The following UHRF2 variants were observed in gnomAD, a reference collection of about 807,000 sequenced individuals.
UHRF2 encodes the protein E3 ubiquitin-protein ligase UHRF2.
UHRF2 carries 23 observed loss-of-function variants against 96.8 expected under a neutral mutation model. The observed-to-expected ratio is 0.24, with a 90% confidence interval of 0.17 to 0.34. UHRF2 has a LOEUF of 0.34. Among genes scored for constraint, UHRF2 ranks in the 10% least tolerant of loss-of-function variants. UHRF2 has a pLI of 1.00. For synonymous variants in UHRF2, 385 were observed against 332.6 expected, an observed-to-expected ratio of 1.16 and a Z score of -1.72; for missense variants, 685 against 981.5, an observed-to-expected ratio of 0.70 and a Z score of 4.04.
chr9:6,483,495 C>G (rs940958792), intron 8 of UHRF2, among the ~76,000 whole-genome samples: 1 of 151,988 alleles, frequency 6.6e-6, no homozygotes, highest in Non-Finnish European at 1.5e-5. Context: ...AGAATCATGA[C>G]AAGAAAAAGT....
At chr9:6,441,652 T>G (rs1821171792) in intron 3 of UHRF2, among the ~76,000 whole-genome samples, 1 of 152,092 alleles carries the variant, frequency 6.6e-6, no homozygotes, top group African/African-American at 2.4e-5. Context: ...CTAAATATAT[T>G]TTAAAGACCA....
At chr9:6,463,323 A>G (rs925666936) in intron 4 of UHRF2, among the ~76,000 whole-genome samples, 1 of 152,210 alleles carries the variant, frequency 6.6e-6, no homozygotes, top group South Asian at 2.1e-4. Flanking sequence ...TGGATAGGCA[A>G]ATACCGGCTT....
chr9:6,496,988 A>G (rs1825012131), intron 10 of UHRF2: 2 of 489,388 alleles, frequency 4.1e-6, no homozygotes, highest in Admixed American at 3.3e-5. Flanking sequence ...CTGAGAACCA[A>G]TCCCCTGGCT....
intron 2 of UHRF2, among the ~76,000 whole-genome samples, chr9:6,425,353 A>T (rs771248536): frequency 3.2e-4 from 48 of 152,046 alleles, no homozygotes; most frequent in Non-Finnish European, 6.0e-4. Context: ...TTTCTTAAGC[A>T]TTATCTTACT....
intron 2 of UHRF2, among the ~76,000 whole-genome samples, chr9:6,429,457 C>G (rs1820448202): frequency 6.6e-6 from 1 of 152,060 alleles, no homozygotes; most frequent in Non-Finnish European, 1.5e-5. Flanking sequence ...CACTGTCATG[C>G]AGGCTGGAGT....
chr9:6,496,575 A>G (rs1224353697), intron 10 of UHRF2: 1 of 152,228 alleles, frequency 6.6e-6, no homozygotes, highest in Non-Finnish European at 1.5e-5. Flanking sequence ...TCAAGCAGCC[A>G]GAAGTCTTCA....
chr9:6,460,431 A>T, intron 3 of UHRF2, 142 bp from the exon 4 acceptor site: 2 of 640,706 alleles, frequency 3.1e-6, no homozygotes, highest in Non-Finnish European at 5.2e-6. Context: ...TGAAGTAATA[A>T]CACCTGCTAT....
At chr9:6,493,390 A>T (rs1824784433) in intron 9 of UHRF2, among the ~76,000 whole-genome samples, 1 of 152,190 alleles carries the variant, frequency 6.6e-6, no homozygotes, top group African/African-American at 2.4e-5. Flanking sequence ...GAGGCAGCAC[A>T]CTTAGGTATG....
At chr9:6,504,831 GT>G (rs1413197587) in intron 15 of UHRF2, 140 bp downstream of exon 15, 18 of 550,728 alleles carry the variant, frequency 3.3e-5, no homozygotes, top group Non-Finnish European at 5.1e-5. Context: ...ATTTAGTTAC[GT>G]CTTGGTGGTA....
intron 6 of UHRF2, among the ~76,000 whole-genome samples, chr9:6,479,943 C>G (rs1019821102): frequency 7.2e-5 from 11 of 152,272 alleles, no homozygotes; most frequent in African/African-American, 2.6e-4. Context: ...TCCGTTCTCC[C>G]ATAGCAGCAG....
At chr9:6,427,382 C>A (rs1820318837) in intron 2 of UHRF2, among the ~76,000 whole-genome samples, 1 of 152,038 alleles carries the variant, frequency 6.6e-6, no homozygotes, top group African/African-American at 2.4e-5. Context: ...AACATTTAAA[C>A]AGTATGTTAA....
Position 6,413,542 on chromosome 9 carries a change from G to A in UHRF2, c.52G>A (p.Asp18Asn). ...IDGSKTCTIEDVSRKATIEEL... is the reference protein window; with the variant it reads ...IDGSKTCTIENVSRKATIEEL... ...TGGCTCCAAGACGTGCACCATTGAG[G>A]ACGTGTCTCGCAAAGCCACGATTGA... Residue 18 changes from aspartate (D) to asparagine (N), a missense_variant, in exon 1 of 16, where the codon GAC (aspartate) becomes AAC (asparagine). Physicochemically the swap from Asp to Asn is conservative, Grantham distance 23. Around this residue, in one of 6 missense-constraint regions of UHRF2, gnomAD observed 38 missense variants for 35.9 expected, o/e 1.06. Transcript: ENST00000276893. The A allele has an allele frequency of 1.3e-6, 2 of 1,596,570 alleles. No homozygotes were observed. Among genetic ancestry groups the A allele is most frequent in the Non-Finnish European group, 1.7e-6 (2 of 1,172,460 alleles).
chr9:6,499,815 C>T lies in UHRF2; in HGVS notation c.1909-20C>T, dbSNP rs1825173936. ...GAAGCTTAAATCTGCATTGTACTCT[C>T]CCTCCTCCCCCCCCATCAGTATCCA... On this transcript the variant is annotated intron_variant, in intron 12 of 15. Transcript: ENST00000276893. 6.4e-7 allele frequency: 1 copy of T among 1,552,460 alleles called. No individual in the cohort carries two copies. The highest frequency in any genetic ancestry group is 2.3e-5 in the East Asian group (1 of 42,622).
chr9:6,504,725 G>A, intron 15 of UHRF2, 34 bp downstream of exon 15: 5 of 1,541,912 alleles, frequency 3.2e-6, no homozygotes, highest in East Asian at 2.3e-5. Context: ...TTCCCTGTTA[G>A]GTATGAAGGC....
intron 8 of UHRF2, among the ~76,000 whole-genome samples, chr9:6,485,039 C>T (rs1457734627): frequency 6.6e-6 from 1 of 151,184 alleles, no homozygotes; most frequent in Admixed American, 6.6e-5. Context: ...GTGATCCACC[C>T]GCCTTGGCCT....
At chr9:6,418,265 T>C (rs1359429002) in intron 1 of UHRF2, among the ~76,000 whole-genome samples, 2 of 151,706 alleles carry the variant, frequency 1.3e-5, no homozygotes, top group Non-Finnish European at 2.9e-5. Context: ...GTTCCTTTTT[T>C]TTTTTTTTTT....
chr9:6,478,187 C>T (rs904241010), intron 6 of UHRF2, among the ~76,000 whole-genome samples: 2 of 152,236 alleles, frequency 1.3e-5, no homozygotes, highest in African/African-American at 4.8e-5. Flanking sequence ...ATACTCTACA[C>T]TGTAGCCAGA....
chr9:6,487,034 TTTG>T, intron 9 of UHRF2, 109 bp downstream of exon 9: 1 of 965,584 alleles, frequency 1.0e-6, no homozygotes, highest in Non-Finnish European at 1.6e-6. Flanking sequence ...TAGCACAGTT[TTTG>T]TTGAAGTAAT....
At chr9:6,460,886 G>A in intron 4 of UHRF2, 95 bp downstream of exon 4, 1 of 986,190 alleles carries the variant, frequency 1.0e-6, no homozygotes, top group East Asian at 2.8e-5. Flanking sequence ...AAAAAAAGAT[G>A]GAGTCTATAA....
Sources: gnomAD v4.1 joint callset for allele counts (sites outside exome capture counted in the v4.1 genomes callset) on GRCh38, gnomAD v4.1.1 for gene constraint, gnomAD v4.1.1 regional missense constraint, MANE v1.5 for transcripts, NCBI Gene and HGNC (gene_info 2026-07-23, HGNC 2026-07-21) for gene names.